ACAN: variants seen among roughly 807,000 people sequenced by gnomAD.
ACAN encodes the protein aggrecan.
Under a neutral mutation model 169.1 loss-of-function variants are expected in ACAN, and 47 were observed. The observed-to-expected ratio is 0.28, with a 90% CI of 0.22 to 0.35. ACAN has a LOEUF of 0.35. Ranked by LOEUF, ACAN falls within the 10% of genes least tolerant of loss-of-function variation. ACAN has a pLI of 1.00. For missense variants in ACAN, 2,716 were observed against 2,759.9 expected (o/e 0.98, Z 0.36); for synonymous variants, 1,115 against 1,112.2 (o/e 1.00, Z -0.05).
intron 1 of ACAN, among the ~76,000 whole-genome samples, chr15:88,821,870 G>A (rs1160624146): frequency 1.3e-5 from 2 of 152,180 alleles, no homozygotes; most frequent in Non-Finnish European, 2.9e-5. Context: ...TACACTCACA[G>A]TTACGGTTTA....
rs755822949 is a variant in ACAN at position 88,859,197 on chromosome 15, T to G, written c.6612T>G (p.Gly2204=). 6.2e-7 allele frequency: 1 copy of G among 1,613,842 alleles called. No individual in the cohort carries two copies. The highest frequency in any genetic ancestry group is 1.7e-5 in the Admixed American group (1 of 60,018). The change falls in exon 12 of 19, where the codon GGT becomes GGG. Residue 2204 remains glycine, a synonymous_variant. Coordinates refer to ENST00000560601, the MANE Select transcript of ACAN (RefSeq NM_001369268.1). The stretch of plus-strand genomic sequence containing the variant: ...CTGAAATCAGCGGAGACCTGTCTGG[T>G]CACACCTCGCAGCTGGGCGTTGTCA... ...DRTEISGDLS[G]HTSQLGVVIS... is the part of the protein sequence containing the mutation.
At chr15:88,828,055 G>A (rs1896268250) in intron 1 of ACAN, among the ~76,000 whole-genome samples, 1 of 152,158 alleles carries the variant, frequency 6.6e-6, no homozygotes, top group Non-Finnish European at 1.5e-5. Context: ...GCCAAGATGA[G>A]TCTGCTAATA....
At chr15:88,834,821 G>A (rs757378422) in intron 1 of ACAN, among the ~76,000 whole-genome samples, 4 of 152,194 alleles carry the variant, frequency 2.6e-5, no homozygotes, top group Non-Finnish European at 4.4e-5. Flanking sequence ...AACCTTCCAA[G>A]CTCTAAAAAT....
chr15:88,857,798 A>C lies in ACAN; in HGVS notation c.5213A>C (p.Gln1738Pro). 1 of 1,613,986 alleles carries C rather than the reference A, an allele frequency of 6.2e-7. No individual in the cohort carries two copies. Among genetic ancestry groups the C allele is most frequent in the Non-Finnish European group, 8.5e-7 (1 of 1,179,906 alleles). Reference protein sequence around the residue: ...EIPGLFGVSGQPSGFPDTSGE... With the variant: ...EIPGLFGVSGPPSGFPDTSGE... Reference sequence around the variant, plus strand: ...CCTGGACTCTTTGGTGTCAGTGGACAGCCATCAGGGTTTCCTGACACTAGT... The same window carrying C: ...CCTGGACTCTTTGGTGTCAGTGGACCGCCATCAGGGTTTCCTGACACTAGT... Residue 1738 changes from glutamine (Q) to proline (P), a missense_variant, in exon 12 of 19, where the codon CAG (glutamine) becomes CCG (proline). Coordinates refer to ENST00000560601, the MANE Select transcript of ACAN (RefSeq NM_001369268.1).
rs756200365 is a variant in ACAN at position 88,872,028 on chromosome 15, C to A, written c.7245C>A (p.Ile2415=). Residue 2415 remains isoleucine (I), a synonymous_variant, in exon 16 of 19, where the codon ATC becomes ATA. Coordinates refer to ENST00000560601, the MANE Select transcript of ACAN (RefSeq NM_001369268.1). The surrounding 1 kb of genome is among the most constrained non-coding windows in gnomAD (Gnocchi z 5.4). The part of the protein sequence containing the change: ...VNNNAQDYQW[I]GLNDRTIEGD... ...ACAATGCCCAAGACTACCAGTGGAT[C>A]GGCCTGAACGACAGGACCATCGAAG... is the stretch of plus-strand genomic sequence containing the variant. The A allele has an allele frequency of 1.2e-6, 2 of 1,613,938 alleles. No individual in the cohort carries two copies. Among genetic ancestry groups the A allele is most frequent in the South Asian group, 1.1e-5 (1 of 91,064 alleles).
rs1199329853 is a variant in ACAN, at chr15:88,814,346, G to A, written c.-8+10537G>A. ...ACCCGTTCCTGGTATCTCTGAACCT[G>A]AATTTTTGGATGATCATGACTGCCT... On this transcript the variant is annotated intron_variant, in intron 1 of 18. Coordinates refer to ENST00000560601, the MANE Select transcript of ACAN (RefSeq NM_001369268.1). This position sits in a 1 kb window ranked among gnomAD's most constrained non-coding sequence, Gnocchi z 4.0. Among the ~76,000 whole-genome samples, 1 of 152,190 alleles carries A rather than the reference G, an allele frequency of 6.6e-6. No individual in the cohort carries two copies. Among genetic ancestry groups the A allele is most frequent in the African/African-American group, 2.4e-5 (1 of 41,448 alleles).
Position 88,858,714 on chromosome 15 carries a change from G to A in ACAN, c.6129G>A (p.Glu2043=). ...EVTLITSEFV[E]GVTEPTISQE... Reference sequence around the variant, plus strand: ...CTTTAATCACTTCTGAGTTCGTGGAGGGTGTTACTGAACCAACTATTTCTC... The same window carrying A: ...CTTTAATCACTTCTGAGTTCGTGGAAGGTGTTACTGAACCAACTATTTCTC... Residue 2043 remains glutamate (E), a synonymous_variant, in exon 12 of 19, where the codon GAG becomes GAA. Transcript: ENST00000560601. This position sits in a 1 kb window ranked among gnomAD's most constrained non-coding sequence, Gnocchi z 4.0. 1 of 1,613,924 alleles carries A rather than the reference G, an allele frequency of 6.2e-7. No homozygotes were observed. The highest frequency in any genetic ancestry group is 8.5e-7 in the Non-Finnish European group (1 of 1,179,892).
intron 1 of ACAN, among the ~76,000 whole-genome samples, chr15:88,825,050 G>A (rs893249357): frequency 2.0e-5 from 3 of 152,188 alleles, no homozygotes; most frequent in African/African-American, 7.2e-5. Flanking sequence ...GAAAGAGCAA[G>A]CACAAAACCC....
intron 1 of ACAN, among the ~76,000 whole-genome samples, chr15:88,821,791 G>A (rs1896082753): frequency 6.6e-6 from 1 of 152,118 alleles, no homozygotes; most frequent in Non-Finnish European, 1.5e-5. Context: ...GATCAGGGTG[G>A]GAGGTGTCCA....
intron 13 of ACAN, 30 bp downstream of exon 13, chr15:88,860,469 G>A: frequency 1.3e-6 from 2 of 1,589,346 alleles, no homozygotes; most frequent in Non-Finnish European, 1.7e-6. Flanking sequence ...TGGAGAGTGA[G>A]GGCGGAGGCG....
Position 88,868,602 on chromosome 15 carries a change from A to T in ACAN, c.7060+273A>T, listed in dbSNP as rs958466507. Reference sequence around the variant, plus strand: ...CTGATGCCACCACCGAGGTTGGTGTATGGTTCAGACTAAGAGGACAGGGCT... The same window carrying T: ...CTGATGCCACCACCGAGGTTGGTGTTTGGTTCAGACTAAGAGGACAGGGCT... On this transcript the variant is annotated intron_variant, in intron 14 of 18. Coordinates refer to ENST00000560601, the MANE Select transcript of ACAN (RefSeq NM_001369268.1). This position sits in a 1 kb window ranked among gnomAD's most constrained non-coding sequence, Gnocchi z 5.2. Among the ~76,000 whole-genome samples the T allele has an allele frequency of 1.3e-5, 2 of 152,214 alleles. No individual in the cohort carries two copies. Among genetic ancestry groups the T allele is most frequent in the Non-Finnish European group, 2.9e-5 (2 of 68,044 alleles).
chr15:88,874,531 G>A lies in ACAN; in HGVS notation c.*50G>A. 6.7e-7 allele frequency: 1 copy of A among 1,489,814 alleles called. No individual in the cohort carries two copies. The highest frequency in any genetic ancestry group is 9.2e-7 in the Non-Finnish European group (1 of 1,086,718). The allele number at this position is 1,489,814 out of a possible 1,614,324, so 92.3% of individuals were successfully genotyped here. A position where few individuals can be genotyped will look rare whatever the true frequency, so the allele number is the denominator to read the frequency against. On this transcript the variant is annotated 3_prime_UTR_variant, in exon 19 of 19. Coordinates refer to ENST00000560601, the MANE Select transcript of ACAN (RefSeq NM_001369268.1). This position sits in a 1 kb window ranked among gnomAD's most constrained non-coding sequence, Gnocchi z 7.3. Reference sequence around the variant, plus strand: ...GACGCTGAGCCCAGGAGCCTGCCAGGCTGACGTGCATCCCACCCAGACGGT... The same window carrying A: ...GACGCTGAGCCCAGGAGCCTGCCAGACTGACGTGCATCCCACCCAGACGGT...
intron 7 of ACAN, among the ~76,000 whole-genome samples, chr15:88,846,967 C>A (rs181773277): frequency 4.6e-5 from 7 of 152,208 alleles, no homozygotes; most frequent in African/African-American, 1.7e-4. Context: ...TAGCATAGAG[C>A]CCAGTGCTTC....
At position 88,860,326 on chromosome 15, in the gene ACAN, C is replaced by A. The variant is rs749098394; in HGVS notation, c.6833C>A (p.Ala2278Asp). 16 of 1,605,922 alleles carry A rather than the reference C, an allele frequency of 1.0e-5. No individual in the cohort carries two copies. Among genetic ancestry groups the A allele is most frequent in the Non-Finnish European group, 1.2e-5 (14 of 1,176,350 alleles). The change falls in exon 13 of 19, where the codon GCC (alanine) becomes GAC (aspartate). Residue 2278 changes from alanine to aspartate, a missense_variant and splice_region_variant. By Grantham distance (126) the Ala-to-Asp change is moderately radical. Transcript: ENST00000560601. ...WKRESESTAA[A>D]PARSCAEEPC... Reference sequence around the variant, plus strand: ...TCAACCTCTCCCCTGGGGGTTGCAGCCCCCGCCAGGTCCTGTGCAGAGGAG... The same window carrying A: ...TCAACCTCTCCCCTGGGGGTTGCAGACCCCGCCAGGTCCTGTGCAGAGGAG...
chr15:88,848,441 G>T (rs568155544), intron 9 of ACAN, among the ~76,000 whole-genome samples: 1 of 151,794 alleles, frequency 6.6e-6, no homozygotes, highest in Non-Finnish European at 1.5e-5. Flanking sequence ...TTTAGGCTGG[G>T]CACAGTGGCT....
intron 2 of ACAN, among the ~76,000 whole-genome samples, chr15:88,836,636 G>A (rs1262103299): frequency 6.6e-6 from 1 of 152,242 alleles, no homozygotes; most frequent in Non-Finnish European, 1.5e-5. Flanking sequence ...AGTGGAGAAA[G>A]GACCATTGAG....
intron 11 of ACAN, among the ~76,000 whole-genome samples, chr15:88,853,763 TAC>T (rs1896984747): frequency 1.4e-5 from 2 of 147,522 alleles, no homozygotes; most frequent in East Asian, 1.9e-4. Context: ...GATACATACA[TAC>T]ATACATACAT....
In ACAN at chr15:88,858,577, C is replaced by T; in HGVS notation, c.5992C>T (p.Pro1998Ser). The change falls in exon 12 of 19, where the codon CCA (proline) becomes TCA (serine). Residue 1998 changes from proline to serine, a missense_variant. Physicochemically the swap from Pro to Ser is moderately conservative, Grantham distance 74. Around this residue, in one of 3 missense-constraint regions of ACAN, gnomAD observed 1,389 missense variants for 1,363.7 expected, o/e 1.02. Coordinates refer to ENST00000560601, the MANE Select transcript of ACAN (RefSeq NM_001369268.1). This position sits in a 1 kb window ranked among gnomAD's most constrained non-coding sequence, Gnocchi z 4.0. ...QSGLIEPSGEPPGTPYFSGDF... is the reference protein window; with the variant it reads ...QSGLIEPSGESPGTPYFSGDF... ...CGGGCTGATAGAGCCCAGCGGAGAG[C>T]CACCAGGTACTCCATATTTTAGTGG... 6.2e-7 allele frequency: 1 copy of T among 1,613,846 alleles called. No homozygotes were observed.
chr15:88,805,405 C>A (rs892359458), intron 1 of ACAN, among the ~76,000 whole-genome samples: 1 of 151,976 alleles, frequency 6.6e-6, no homozygotes, highest in Non-Finnish European at 1.5e-5. Flanking sequence ...GTAGATCTCC[C>A]CAGTATAAAA....
Sources: gnomAD v4.1 joint callset for allele counts (sites outside exome capture counted in the v4.1 genomes callset) on GRCh38, gnomAD v4.1.1 for gene constraint, gnomAD v4.1.1 regional missense constraint, Gnocchi (gnomAD v3.1) non-coding constraint, MANE v1.5 for transcripts, NCBI Gene and HGNC (gene_info 2026-07-23, HGNC 2026-07-21) for gene names.